Variants in CCDC171 observed in about 807,000 individuals in gnomAD.
CCDC171 encodes coiled-coil domain-containing protein 171.
In CCDC171, 177 loss-of-function variants were observed where a neutral mutation model predicts 168.2. The observed-to-expected ratio is 1.05, with a 90% confidence interval of 0.93 to 1.19. CCDC171 has a LOEUF of 1.19. Among genes scored for constraint, CCDC171 ranks in the 50% most tolerant of loss-of-function variants. The pLI is 0.00. For missense variants in CCDC171, 1,991 were observed against 1,539.0 expected, an observed-to-expected ratio of 1.29 and a Z score of -4.91; for synonymous variants, 687 against 540.8, an observed-to-expected ratio of 1.27 and a Z score of -3.75.
chr9:15,569,107 T>A (rs892702140), intron 2 of CCDC171, among the ~76,000 whole-genome samples: 1 of 152,250 alleles, frequency 6.6e-6, no homozygotes, highest in Non-Finnish European at 1.5e-5. Context: ...GTTCCTTGTT[T>A]TCTGAAATTT....
At chr9:15,922,629 T>A (rs1825476589) in intron 25 of CCDC171, among the ~76,000 whole-genome samples, 1 of 151,626 alleles carries the variant, frequency 6.6e-6, no homozygotes, top group East Asian at 1.9e-4. Context: ...CTAGTTTTAA[T>A]TTTTTGAGGA....
intron 3 of CCDC171, among the ~76,000 whole-genome samples, chr9:15,573,655 A>G (rs1171888281): frequency 6.6e-6 from 1 of 152,212 alleles, no homozygotes; most frequent in Admixed American, 6.5e-5. Flanking sequence ...ATAAAGTGGT[A>G]TGTGTTAAAT....
intron 3 of CCDC171, among the ~76,000 whole-genome samples, chr9:15,979,736 A>G (rs1221513565): frequency 1.3e-5 from 2 of 151,300 alleles, no homozygotes; most frequent in Admixed American, 6.6e-5. Flanking sequence ...GAAAATAAGG[A>G]GTATTTGTTT....
At chr9:16,075,146 A>C in the CCDC171 span, among the ~76,000 whole-genome samples, 1 of 152,294 alleles carries the variant, frequency 6.6e-6, no homozygotes, top group South Asian at 2.1e-4. Flanking sequence ...GACTCCTACT[A>C]TCCAGATATT....
chr9:15,697,075 CT>C (rs764246232), intron 11 of CCDC171, among the ~76,000 whole-genome samples: 1 of 152,170 alleles, frequency 6.6e-6, no homozygotes, highest in Non-Finnish European at 1.5e-5. Context: ...ATCTGGGCTC[CT>C]TTACCTTCTG....
At position 15,949,856 on chromosome 9, in the gene CCDC171, G is replaced by A. The variant is rs554146735; in HGVS notation, c.3754-21753G>A. On this transcript the variant is annotated intron_variant, in intron 25 of 25. Coordinates refer to ENST00000380701, the MANE Select transcript of CCDC171 (RefSeq NM_173550.4). Reference sequence around the variant, plus strand: ...TCTAACACTATGTTGAATAGGAGTGGTGAGAGAGGGCATCCCTGTCTTGTG... The same window carrying A: ...TCTAACACTATGTTGAATAGGAGTGATGAGAGAGGGCATCCCTGTCTTGTG... Among the ~76,000 whole-genome samples, 9 of 152,238 alleles carry A rather than the reference G, an allele frequency of 5.9e-5. No individual in the cohort carries two copies. In the East Asian group the frequency reaches 1.7e-3, roughly 29 times the overall value.
chr9:15,892,904 T>C (rs1448724963), intron 24 of CCDC171, among the ~76,000 whole-genome samples: 1 of 152,062 alleles, frequency 6.6e-6, no homozygotes, highest in Non-Finnish European at 1.5e-5. Context: ...TAAACTACCA[T>C]TGACATTCTT....
chr9:15,819,123 C>T (rs2059668525), intron 21 of CCDC171, among the ~76,000 whole-genome samples: 1 of 116,914 alleles, frequency 8.6e-6, no homozygotes, highest in Admixed American at 8.1e-5. Flanking sequence ...AAATAAAATC[C>T]TTTACAGACA....
At chr9:16,035,174 A>G (rs902850348) in intron 6 of CCDC171, among the ~76,000 whole-genome samples, 3 of 152,240 alleles carry the variant, frequency 2.0e-5, no homozygotes, top group Non-Finnish European at 2.9e-5. Context: ...ATATCTGTTT[A>G]TAACAGCATT....
intron 6 of CCDC171, among the ~76,000 whole-genome samples, chr9:15,594,649 T>G (rs953417678): frequency 5.3e-5 from 8 of 152,186 alleles, no homozygotes; most frequent in Admixed American, 6.5e-5. Context: ...AATTACTGAT[T>G]ACATCTAATC....
At chr9:15,863,949 G>C (rs2061665222) in intron 23 of CCDC171, among the ~76,000 whole-genome samples, 1 of 152,044 alleles carries the variant, frequency 6.6e-6, no homozygotes, top group Admixed American at 6.6e-5. Context: ...TTTTGTAAAG[G>C]CTGTCTTTCT....
intron 3 of CCDC171, among the ~76,000 whole-genome samples, chr9:16,004,923 A>C (rs1832653118): frequency 6.6e-6 from 1 of 152,174 alleles, no homozygotes; most frequent in African/African-American, 2.4e-5. Flanking sequence ...ATTGCATCTA[A>C]AGTAGAAGGT....
At chr9:15,638,146 A>C (rs571273991) in intron 7 of CCDC171, among the ~76,000 whole-genome samples, 1 of 152,272 alleles carries the variant, frequency 6.6e-6, no homozygotes, top group East Asian at 1.9e-4. Context: ...TGAAGCTTTG[A>C]AGGTAGTCTA....
intron 18 of CCDC171, among the ~76,000 whole-genome samples, chr9:15,771,556 C>T (rs1266319665): frequency 7.3e-6 from 1 of 136,528 alleles, no homozygotes. Flanking sequence ...CCTTGTGTAT[C>T]ATGTATATTA....
At chr9:15,997,603 C>T (rs1222770388) in intron 3 of CCDC171, among the ~76,000 whole-genome samples, 1 of 149,602 alleles carries the variant, frequency 6.7e-6, no homozygotes, top group Non-Finnish European at 1.5e-5. Context: ...CAAACTACAG[C>T]CCCTGTTGCT....
At chr9:15,946,054 A>T (rs200388033) in intron 25 of CCDC171, among the ~76,000 whole-genome samples, 2 of 151,790 alleles carry the variant, frequency 1.3e-5, no homozygotes. Flanking sequence ...AATTGATTTT[A>T]GTATAAGGTG....
At chr9:16,103,606 G>T in the CCDC171 span, among the ~76,000 whole-genome samples, 929 of 152,358 alleles carry the variant, frequency 6.1e-3, 9 homozygotes, top group African/African-American at 0.021. Context: ...GGCAGAGGAC[G>T]TGGCTTGGGA....
chr9:15,831,163 G>T (rs560872743), intron 21 of CCDC171, among the ~76,000 whole-genome samples: 2 of 151,562 alleles, frequency 1.3e-5, no homozygotes, highest in African/African-American at 4.8e-5. Flanking sequence ...TAGTAGAGAC[G>T]GAGTTTCACC....
At chr9:15,886,338 C>T (rs1383469680) in intron 24 of CCDC171, 1 of 152,112 alleles carries the variant, frequency 6.6e-6, no homozygotes, top group Non-Finnish European at 1.5e-5. Flanking sequence ...CCAAAGAACA[C>T]ATGCAAGTGG....
Sources: allele counts gnomAD v4.1 joint callset (sites outside exome capture counted in the v4.1 genomes callset), GRCh38; gene constraint gnomAD v4.1.1; transcripts MANE v1.5; gene names NCBI Gene and HGNC (gene_info 2026-07-23, HGNC 2026-07-21).